Variants in SPIN2B observed in about 807,000 individuals in gnomAD.
SPIN2B encodes the protein spindlin-2B.
Under a neutral mutation model 9.3 loss-of-function variants are expected in SPIN2B, and 1 was observed. That is an observed-to-expected ratio of 0.11 (90% CI 0.04 to 0.51). SPIN2B has a LOEUF of 0.51. Ranked by LOEUF, SPIN2B falls within the 20% of genes least tolerant of loss-of-function variation. The pLI is 0.94. For synonymous variants in SPIN2B, 15 were observed against 63.4 expected (o/e 0.24, Z 3.63); for missense variants, 32 against 174.0 (o/e 0.18, Z 4.59).
intron 1 of SPIN2B, 156 bp downstream of exon 1, chrX:57,121,082 T>C: frequency 2.7e-6 from 2 of 754,473 alleles, no homozygotes; most frequent in South Asian, 1.3e-4. Context: ...GGCGCTCACC[T>C]TCAAATCCTT....
chrX:57,121,482 T>A lies in SPIN2B; in HGVS notation c.-247A>T. On this transcript the variant is annotated 5_prime_UTR_variant, in exon 1 of 2. Coordinates refer to ENST00000434397, the MANE Select transcript of SPIN2B (RefSeq NM_001006681.2). The stretch of plus-strand genomic sequence containing the variant: ...GCTCGCTAGCCCTCCGCCTCCCTGC[T>A]GGCGGTGGCGGCCCCTCAGCCACAT... 1 of 177,388 alleles carries A rather than the reference T, an allele frequency of 5.6e-6. No homozygotes were observed. The highest frequency in any genetic ancestry group is 9.0e-6 in the Non-Finnish European group (1 of 111,720). The allele number at this position is 177,388 out of a possible 1,213,427, so 14.6% of individuals were successfully genotyped here.
In SPIN2B at chrX:57,119,772, A is replaced by G. The variant is rs364007; in HGVS notation, c.*81T>C. The G allele has an allele frequency of 1.0e-4, 120 of 1,166,979 alleles. No individual in the cohort carries two copies. In the African/African-American group the frequency reaches 1.4e-3, roughly 14 times the overall value. On this transcript the variant is annotated 3_prime_UTR_variant, in exon 2 of 2. Transcript: ENST00000434397. ...TTATCAGGGATTCCATAAGCTTTCA[A>G]TACACTGAAAGGCAACATTTTTTGC...
rs753421766 is a variant in SPIN2B, at chrX:57,120,006, G to T, written c.624C>A (p.Gly208=). The change falls in exon 2 of 2, where the codon GGC becomes GGA. Residue 208 remains glycine, a synonymous_variant. Coordinates refer to ENST00000434397, the MANE Select transcript of SPIN2B (RefSeq NM_001006681.2). ...TEREPGGVVD[G]LIGKHVEYTK... is the part of the protein sequence containing the mutation. ...TATATTCCACATGCTTACCTATTAG[G>T]CCATCTACAACTCCTCCTGGCTCCC... is the stretch of plus-strand genomic sequence containing the variant. 33 of 1,206,436 alleles carry T rather than the reference G, an allele frequency of 2.7e-5. No homozygotes were observed. The highest frequency in any genetic ancestry group is 2.2e-6 in the Non-Finnish European group (2 of 894,250).
rs967850229 is a variant in SPIN2B at position 57,119,714 on chromosome X, A to G, written c.*139T>C. On this transcript the variant is annotated 3_prime_UTR_variant, in exon 2 of 2. Coordinates refer to ENST00000434397, the MANE Select transcript of SPIN2B (RefSeq NM_001006681.2). Reference sequence around the variant, plus strand: ...CACACAAGTTTGTATTTTTTAGAGCAAAACAACAGTTAATGCTGGCAAAGA... The same window carrying G: ...CACACAAGTTTGTATTTTTTAGAGCGAAACAACAGTTAATGCTGGCAAAGA... 7.3e-6 allele frequency: 8 copies of G among 1,096,814 alleles called. No individual in the cohort carries two copies. Among genetic ancestry groups the G allele is most frequent in the Middle Eastern group, 3.4e-4 (1 of 2,967 alleles). 90.4% of individuals were successfully genotyped at this position (1,096,814 alleles called of 1,213,427 possible). A position where few individuals can be genotyped will look rare whatever the true frequency, so the allele number is the denominator to read the frequency against.
intron 1 of SPIN2B, 141 bp downstream of exon 1, chrX:57,121,097 G>A: frequency 1.2e-6 from 1 of 814,762 alleles, no homozygotes; most frequent in South Asian, 5.0e-5. Context: ...ATCCTTGTCT[G>A]GCTCCCGTTC....
intron 1 of SPIN2B, 93 bp downstream of exon 1, chrX:57,121,145 C>G (rs1285755805): frequency 1.3e-6 from 1 of 774,693 alleles, no homozygotes; most frequent in Non-Finnish European, 1.5e-6. Context: ...ACTCCCCCAC[C>G]CCACCCTTGC....
rs757886936 is a variant in SPIN2B at position 57,119,955 on chromosome X, G to T, written c.675C>A (p.Ile225=). ...EYTKEDGSKR[I]GMVIHQVEAK... is the part of the protein sequence containing the mutation. ...CTTCCACTTGGTGAATGACCATGCCGATCCTTTTGGAGCCATCTTCTTTGG... is the reference window on the plus strand; with the variant it reads ...CTTCCACTTGGTGAATGACCATGCCTATCCTTTTGGAGCCATCTTCTTTGG... Residue 225 remains isoleucine (I), a synonymous_variant, in exon 2 of 2, where the codon ATC becomes ATA. Transcript: ENST00000434397. 1 of 1,209,150 alleles carries T rather than the reference G, an allele frequency of 8.3e-7. No individual in the cohort carries two copies. Among genetic ancestry groups the T allele is most frequent in the Non-Finnish European group, 1.1e-6 (1 of 895,118 alleles).
chrX:57,121,167 C>G, intron 1 of SPIN2B, 71 bp downstream of exon 1: 1 of 770,712 alleles, frequency 1.3e-6, no homozygotes, highest in Non-Finnish European at 1.5e-6. Context: ...TGGCGCCCAA[C>G]TCCACCCCAT....
chrX:57,121,435 G>T lies in SPIN2B; in HGVS notation c.-200C>A. On this transcript the variant is annotated 5_prime_UTR_variant, in exon 1 of 2. Transcript: ENST00000434397. ...GGCGGCGAGACAGGCAAAGAGGAAG[G>T]CAGCGGCGTCCCCACCGCTTGGCTC... 2 of 409,854 alleles carry T rather than the reference G, an allele frequency of 4.9e-6. No individual in the cohort carries two copies. Among genetic ancestry groups the T allele is most frequent in the Non-Finnish European group, 3.1e-6 (1 of 324,212 alleles). 33.8% of individuals were successfully genotyped at this position (409,854 alleles called of 1,213,427 possible).
chrX:57,121,186 C>A, intron 1 of SPIN2B, 52 bp downstream of exon 1: 1 of 766,772 alleles, frequency 1.3e-6, no homozygotes, highest in Non-Finnish European at 1.5e-6. Context: ...ATGTCTCCTG[C>A]TGGATTCCTT....
Position 57,121,414 on chromosome X carries a change from G to A in SPIN2B, c.-179C>T. The A allele has an allele frequency of 2.0e-6, 1 of 511,329 alleles. No homozygotes were observed. The highest frequency in any genetic ancestry group is 2.4e-6 in the Non-Finnish European group (1 of 417,017). 42.1% of individuals were successfully genotyped at this position (511,329 alleles called of 1,213,427 possible). On this transcript the variant is annotated 5_prime_UTR_variant, in exon 1 of 2. Coordinates refer to ENST00000434397, the MANE Select transcript of SPIN2B (RefSeq NM_001006681.2). The stretch of plus-strand genomic sequence containing the variant: ...GATGAGGAGCGTGTCTAGGAGGGCG[G>A]CGAGACAGGCAAAGAGGAAGGCAGC...
At chrX:57,121,075 G>A in intron 1 of SPIN2B, 163 bp downstream of exon 1, 2 of 753,836 alleles carry the variant, frequency 2.7e-6, no homozygotes, top group Non-Finnish European at 3.1e-6. Context: ...GCTTCCCGGC[G>A]CTCACCTTCA....
chrX:57,121,071 C>T (rs749499322), intron 1 of SPIN2B, 167 bp downstream of exon 1: 24 of 752,299 alleles, frequency 3.2e-5, no homozygotes, highest in East Asian at 1.5e-4. Context: ...CCTTGCTTCC[C>T]GGCGCTCACC....
chrX:57,120,170 G>C lies in SPIN2B; in HGVS notation c.460C>G (p.Gln154Glu). The C allele has an allele frequency of 8.3e-7, 1 of 1,209,732 alleles. No homozygotes were observed. The highest frequency in any genetic ancestry group is 1.1e-6 in the Non-Finnish European group (1 of 894,972). The part of the protein sequence containing the change: ...KDEWRGMVLA[Q>E]APIMKAWFYI... ...AACCAGGCTTTCATGATAGGTGCTT[G>C]AGCTAAGACCATCCCCCTCCATTCA... The change falls in exon 2 of 2, where the codon CAA becomes GAA. Residue 154 changes from glutamine (Q) to glutamate (E), a missense_variant. Gln to Glu is a conservative substitution (Grantham distance 29). Transcript: ENST00000434397.
chrX:57,120,796 C>T (rs1927069551), intron 1 of SPIN2B, among the ~76,000 whole-genome samples, 165 bp from the exon 2 acceptor site: 2 of 94,755 alleles, frequency 2.1e-5, no homozygotes, highest in African/African-American at 7.8e-5. Flanking sequence ...TGCTCTCCCT[C>T]TTAAGTTCCT....
chrX:57,120,998 G>A (rs752333542), intron 1 of SPIN2B: 1 of 737,402 alleles, frequency 1.4e-6, no homozygotes, highest in Non-Finnish European at 1.6e-6. Context: ...CCTTCCCTGA[G>A]CGTCCCAGCT....
Position 57,119,833 on chromosome X carries a change from G to T in SPIN2B, c.*20C>A, listed in dbSNP as rs1926961520. 1 of 1,156,398 alleles carries T rather than the reference G, an allele frequency of 8.6e-7. No individual in the cohort carries two copies. The highest frequency in any genetic ancestry group is 1.8e-5 in the African/African-American group (1 of 54,979). On this transcript the variant is annotated 3_prime_UTR_variant, in exon 2 of 2. Transcript: ENST00000434397. ...ATTATACATTTGTTTCCACACATGT[G>T]CCAAATTTTACCCTAACAGTTAGGA...
rs1926949555 is a variant in SPIN2B, at chrX:57,119,695, A to C, written c.*158T>G. 9.4e-7 allele frequency: 1 copy of C among 1,062,544 alleles called. No homozygotes were observed. The highest frequency in any genetic ancestry group is 1.2e-6 in the Non-Finnish European group (1 of 808,107). The allele number at this position is 1,062,544 out of a possible 1,213,427, so 87.6% of individuals were successfully genotyped here. A position where few individuals can be genotyped will look rare whatever the true frequency, so the allele number is the denominator to read the frequency against. Reference sequence around the variant, plus strand: ...ACACACAGCATGTCATGTACACACAAGTTTGTATTTTTTAGAGCAAAACAA... The same window carrying C: ...ACACACAGCATGTCATGTACACACACGTTTGTATTTTTTAGAGCAAAACAA... On this transcript the variant is annotated 3_prime_UTR_variant, in exon 2 of 2. Transcript: ENST00000434397.
In SPIN2B at chrX:57,121,338, A is replaced by C. The variant is rs1241584390; in HGVS notation, c.-103T>G. The C allele has an allele frequency of 2.7e-6, 2 of 737,430 alleles. No homozygotes were observed. Among genetic ancestry groups the C allele is most frequent in the African/African-American group, 4.6e-5 (2 of 43,041 alleles). 60.8% of individuals were successfully genotyped at this position (737,430 alleles called of 1,213,427 possible). ...GAGCCTGTGGCGAAGGAGGGTCAGC[A>C]GGCGACCGGCCGAGTGAATGCTTGC... On this transcript the variant is annotated 5_prime_UTR_variant, in exon 1 of 2. Transcript: ENST00000434397.
Sources: allele counts gnomAD v4.1 joint callset (sites outside exome capture counted in the v4.1 genomes callset), GRCh38; gene constraint gnomAD v4.1.1; transcripts MANE v1.5; gene names NCBI Gene and HGNC (gene_info 2026-07-23, HGNC 2026-07-21).